The following ATXN7 variants were observed in gnomAD, a reference collection of about 807,000 sequenced individuals.
ATXN7 encodes the protein ataxin-7.
A neutral mutation model predicts 70.5 loss-of-function variants in ATXN7; 12 were observed. The ratio of observed to expected loss-of-function variants is 0.17; its 90% CI spans 0.11 to 0.28. The LOEUF (loss-of-function observed/expected upper bound fraction) is 0.28, where lower values mean the gene tolerates loss of function less well. Among genes scored for constraint, ATXN7 ranks in the 10% least tolerant of loss-of-function variants. ATXN7 has a pLI of 1.00. For missense variants in ATXN7, 1,256 were observed against 1,131.7 expected, an observed-to-expected ratio of 1.11 and a Z score of -1.58; for synonymous variants, 498 against 448.7, an observed-to-expected ratio of 1.11 and a Z score of -1.39.
chr3:63,954,576 G>T (rs762811958), intron 5 of ATXN7, among the ~76,000 whole-genome samples: 1 of 151,946 alleles, frequency 6.6e-6, no homozygotes, highest in Non-Finnish European at 1.5e-5. Context: ...TGGGTAGAGT[G>T]GATTCCTTAG....
At chr3:63,919,576 T>C (rs1704424295) in intron 4 of ATXN7, among the ~76,000 whole-genome samples, 1 of 152,134 alleles carries the variant, frequency 6.6e-6, no homozygotes, top group Non-Finnish European at 1.5e-5. Flanking sequence ...TTGCTGTCTT[T>C]GTCCACTTTT....
intron 2 of ATXN7, chr3:63,911,450 T>TA (rs1704009974): frequency 6.6e-6 from 1 of 152,146 alleles, no homozygotes; most frequent in African/African-American, 2.4e-5. Context: ...TATATTCTCC[T>TA]AATCCCTAGG....
At chr3:63,884,437 A>G (rs1703018225) in intron 1 of ATXN7, among the ~76,000 whole-genome samples, 1 of 152,176 alleles carries the variant, frequency 6.6e-6, no homozygotes, top group South Asian at 2.1e-4. Flanking sequence ...CAGTATATAT[A>G]TTTTTAAAGG....
intron 1 of ATXN7, among the ~76,000 whole-genome samples, chr3:63,867,275 A>G (rs1702458177): frequency 6.6e-6 from 1 of 152,202 alleles, no homozygotes; most frequent in African/African-American, 2.4e-5. Context: ...GGACTTAAAA[A>G]AATTAGAGAC....
At chr3:63,968,136 C>T (rs2075256885) in intron 5 of ATXN7, among the ~76,000 whole-genome samples, 1 of 152,120 alleles carries the variant, frequency 6.6e-6, no homozygotes, top group South Asian at 2.1e-4. Context: ...TTTGTCTTGC[C>T]TTGCCAGCAG....
At chr3:63,964,140 C>A (rs1188765025) in intron 5 of ATXN7, among the ~76,000 whole-genome samples, 1 of 151,552 alleles carries the variant, frequency 6.6e-6, no homozygotes, top group Non-Finnish European at 1.5e-5. Context: ...AAATAAATTC[C>A]TCAAACAACC....
chr3:63,973,959 G>T (rs1180534362), intron 5 of ATXN7, among the ~76,000 whole-genome samples: 1 of 152,110 alleles, frequency 6.6e-6, no homozygotes, highest in Non-Finnish European at 1.5e-5. Context: ...TAGGTGAAGG[G>T]TGGGGACCAG....
intron 4 of ATXN7, 35 bp downstream of exon 4, chr3:63,913,260 C>T: frequency 1.3e-6 from 2 of 1,595,884 alleles, no homozygotes; most frequent in Middle Eastern, 1.7e-4. Flanking sequence ...TTTGTACAAA[C>T]CCCTGGGAAG....
At chr3:63,881,554 T>A (rs766338072) in intron 1 of ATXN7, among the ~76,000 whole-genome samples, 46 of 146,730 alleles carry the variant, frequency 3.1e-4, no homozygotes, top group Non-Finnish European at 4.0e-4. Flanking sequence ...AGTGGTGCAA[T>A]CTCAGCTCAC....
chr3:63,882,102 A>G (rs1702930704), intron 1 of ATXN7, among the ~76,000 whole-genome samples: 1 of 152,130 alleles, frequency 6.6e-6, no homozygotes, highest in Non-Finnish European at 1.5e-5. Flanking sequence ...CAGCATTGTG[A>G]GGTGAGGAAT....
intron 1 of ATXN7, among the ~76,000 whole-genome samples, chr3:63,871,038 T>C (rs968299284): frequency 3.9e-5 from 6 of 152,350 alleles, no homozygotes; most frequent in African/African-American, 1.4e-4. Context: ...GATGCAGATT[T>C]GGTGACCTGA....
At chr3:63,937,463 A>T (rs1045381550) in intron 4 of ATXN7, among the ~76,000 whole-genome samples, 2 of 152,204 alleles carry the variant, frequency 1.3e-5, no homozygotes, top group African/African-American at 4.8e-5. Flanking sequence ...ATTTTTTTGT[A>T]CACCATAGTT....
chr3:63,863,725 CCAGCGGGCCGTG>C (rs1274009175), upstream of ATXN7: 19 of 1,248,842 alleles, frequency 1.5e-5, no homozygotes, highest in South Asian at 3.7e-5. Context: ...CAGGGGAGGC[CCAGCGGGCCGTG>C]CAGCGGGCGC....
intron 5 of ATXN7, among the ~76,000 whole-genome samples, chr3:63,977,508 CACAAGGTGATTTTTGTAGATAA>C (rs1293338244): frequency 1.3e-5 from 2 of 152,056 alleles, no homozygotes; most frequent in Admixed American, 6.5e-5. Context: ...TCAGGGGGTA[CACAAGGTGATTTTTGTAGATAA>C]ACACGGATGA....
intron 4 of ATXN7, among the ~76,000 whole-genome samples, chr3:63,935,659 A>G (rs2074648477): frequency 6.6e-6 from 1 of 152,132 alleles, no homozygotes; most frequent in Admixed American, 6.5e-5. Flanking sequence ...GTGTTGTGTG[A>G]TGATGCCCTT....
intron 4 of ATXN7, among the ~76,000 whole-genome samples, chr3:63,936,306 T>G (rs2074662133): frequency 6.6e-6 from 1 of 152,156 alleles, no homozygotes. Context: ...TCTCACCTGG[T>G]TGAAACAGCC....
At chr3:63,930,193 C>T (rs1384247333) in intron 4 of ATXN7, among the ~76,000 whole-genome samples, 1 of 152,198 alleles carries the variant, frequency 6.6e-6, no homozygotes, top group Non-Finnish European at 1.5e-5. Context: ...TTACCAGCCC[C>T]TGTTCAGAGA....
At chr3:63,866,033 C>T (rs1702414398) in intron 1 of ATXN7, among the ~76,000 whole-genome samples, 1 of 145,100 alleles carries the variant, frequency 6.9e-6, no homozygotes, top group Non-Finnish European at 1.5e-5. Context: ...GTAATATTTT[C>T]ATGGGAAAGT....
chr3:63,926,478 G>C (rs886704206), intron 4 of ATXN7, among the ~76,000 whole-genome samples: 1 of 152,178 alleles, frequency 6.6e-6, no homozygotes, highest in Non-Finnish European at 1.5e-5. Flanking sequence ...AGAAGACCTG[G>C]TGTTTTGAAG....
Sources: gnomAD v4.1 joint callset for allele counts (sites outside exome capture counted in the v4.1 genomes callset) on GRCh38, gnomAD v4.1.1 for gene constraint, MANE v1.5 for transcripts, NCBI Gene and HGNC (gene_info 2026-07-23, HGNC 2026-07-21) for gene names.